Variants in SLC18A1 observed in about 807,000 individuals in gnomAD.
SLC18A1 encodes chromaffin granule amine transporter.
Under a neutral mutation model 53.7 loss-of-function variants are expected in SLC18A1, and 69 were observed. The ratio of observed to expected loss-of-function variants is 1.28; its 90% CI spans 1.06 to 1.57. The LOEUF is 1.57. Among genes scored for constraint, SLC18A1 ranks in the 40% most tolerant of loss-of-function variants. SLC18A1 has a pLI of 0.00. For missense variants in SLC18A1, 932 were observed against 668.1 expected, an observed-to-expected ratio of 1.40 and a Z score of -4.35; for synonymous variants, 320 against 248.1, an observed-to-expected ratio of 1.29 and a Z score of -2.72.
At chr8:20,172,943 G>C (rs1042844304) in intron 6 of SLC18A1, 93 bp downstream of exon 6, 2 of 871,272 alleles carry the variant, frequency 2.3e-6, no homozygotes, top group African/African-American at 3.3e-5. Flanking sequence ...AGGCCAACAA[G>C]GGAAGGAAAA....
chr8:20,153,397 G>C (rs191831084), intron 10 of SLC18A1, among the ~76,000 whole-genome samples: 3 of 152,242 alleles, frequency 2.0e-5, no homozygotes, highest in Non-Finnish European at 4.4e-5. Context: ...GTGAGGACAG[G>C]CTGGGCGCTG....
chr8:20,176,227 G>A, intron 4 of SLC18A1, among the ~76,000 whole-genome samples: 1 of 152,194 alleles, frequency 6.6e-6, no homozygotes, highest in Non-Finnish European at 1.5e-5. Flanking sequence ...GTTCTCTCAA[G>A]AGCTGCTGGT....
chr8:20,174,604 T>C (rs1248201328), intron 4 of SLC18A1, among the ~76,000 whole-genome samples, 160 bp from the exon 5 acceptor site: 1 of 152,126 alleles, frequency 6.6e-6, no homozygotes, highest in Non-Finnish European at 1.5e-5. Flanking sequence ...GTCTTTTCAA[T>C]CTCCCACTCC....
At chr8:20,161,815 T>TA (rs978019168) in intron 10 of SLC18A1, among the ~76,000 whole-genome samples, 52 of 152,170 alleles carry the variant, frequency 3.4e-4, no homozygotes, top group African/African-American at 1.2e-3. Flanking sequence ...TTTGGACCCC[T>TA]AAGGCATCAG....
At chr8:20,149,600 C>T (rs2071495046) in intron 12 of SLC18A1, 76 bp downstream of exon 12, 3 of 1,161,074 alleles carry the variant, frequency 2.6e-6, no homozygotes, top group Non-Finnish European at 3.8e-6. Context: ...CTCTCTCTCT[C>T]TCTCTCTCTC....
chr8:20,153,231 C>T (rs2071603201), intron 10 of SLC18A1, among the ~76,000 whole-genome samples: 1 of 151,860 alleles, frequency 6.6e-6, no homozygotes, highest in Non-Finnish European at 1.5e-5. Flanking sequence ...TTTTTTGCAG[C>T]CCCATGCCAT....
intron 8 of SLC18A1, among the ~76,000 whole-genome samples, chr8:20,168,057 C>T (rs980070671): frequency 6.6e-6 from 1 of 151,966 alleles, no homozygotes; most frequent in Non-Finnish European, 1.5e-5. Context: ...AAACATTACT[C>T]AAAAAACAAT....
chr8:20,153,535 G>T (rs1191837592), intron 10 of SLC18A1, among the ~76,000 whole-genome samples: 1 of 152,114 alleles, frequency 6.6e-6, no homozygotes, highest in East Asian at 1.9e-4. Flanking sequence ...AAAATTAGCT[G>T]GGCATGGTGG....
chr8:20,180,181 T>G (rs1324743593), intron 2 of SLC18A1, among the ~76,000 whole-genome samples: 1 of 151,682 alleles, frequency 6.6e-6, no homozygotes, highest in Non-Finnish European at 1.5e-5. Flanking sequence ...ACTAATTCAG[T>G]GTTTGCAGCG....
chr8:20,166,287 GTCTATA>G (rs1280727319), intron 8 of SLC18A1, among the ~76,000 whole-genome samples: 13 of 78,996 alleles, frequency 1.6e-4, no homozygotes, highest in African/African-American at 6.6e-4. Flanking sequence ...GTGTGTGTGT[GTCTATA>G]TATATATATA....
chr8:20,171,074 G>T (rs886683851), intron 8 of SLC18A1, 29 bp downstream of exon 8: 12 of 1,611,852 alleles, frequency 7.4e-6, no homozygotes, highest in Middle Eastern at 1.6e-4. Context: ...CTGTATAACT[G>T]TTAGAAATGG....
At chr8:20,172,973 G>A (rs1317785826) in intron 6 of SLC18A1, 63 bp downstream of exon 6, 22 of 1,209,450 alleles carry the variant, frequency 1.8e-5, no homozygotes, top group Admixed American at 6.0e-5. Context: ...TCTACACCTC[G>A]GGAACACCTG....
At chr8:20,168,071 G>A (rs1247255779) in intron 8 of SLC18A1, among the ~76,000 whole-genome samples, 1 of 152,084 alleles carries the variant, frequency 6.6e-6, no homozygotes, top group African/African-American at 2.4e-5. Context: ...AAACAATGAA[G>A]GTATGTTAAA....
At chr8:20,162,406 C>T (rs2071852954) in intron 10 of SLC18A1, among the ~76,000 whole-genome samples, 1 of 152,194 alleles carries the variant, frequency 6.6e-6, no homozygotes, top group South Asian at 2.1e-4. Flanking sequence ...CTTTCCAAGG[C>T]CAGGCAGCAA....
At chr8:20,159,634 C>CAAAAAAAAAAAAAAAAA (rs200123466) in intron 10 of SLC18A1, among the ~76,000 whole-genome samples, 119 of 81,524 alleles carry the variant, frequency 1.5e-3, no homozygotes, top group Non-Finnish European at 2.2e-3. Context: ...TTGCAGCTGC[C>CAAAAAAAAAAAAAAAAA]AAAAAAAAAA....
chr8:20,158,604 G>T (rs927664796), intron 10 of SLC18A1, among the ~76,000 whole-genome samples: 2 of 152,082 alleles, frequency 1.3e-5, no homozygotes, highest in Non-Finnish European at 2.9e-5. Flanking sequence ...CCAAAAGATT[G>T]TTAAGGACCT....
At chr8:20,166,923 C>A (rs1239975468) in intron 8 of SLC18A1, among the ~76,000 whole-genome samples, 1 of 152,146 alleles carries the variant, frequency 6.6e-6, no homozygotes, top group Non-Finnish European at 1.5e-5. Flanking sequence ...TGAGGACGCA[C>A]TGAGAAGGTG....
intron 10 of SLC18A1, among the ~76,000 whole-genome samples, chr8:20,157,532 G>A (rs1187520618): frequency 3.3e-5 from 5 of 152,136 alleles, no homozygotes; most frequent in Non-Finnish European, 7.4e-5. Flanking sequence ...ATTACTCAGT[G>A]ATATCCATTA....
At position 20,180,893 on chromosome 8, in the gene SLC18A1, C is replaced by T. The variant is rs750892985; in HGVS notation, c.72G>A (p.Leu24=). 5.0e-6 allele frequency: 8 copies of T among 1,613,834 alleles called. 1 individual carries two copies. The South Asian group carries it at 5.5e-5, about 11-fold the overall frequency. The change falls in exon 2 of 16, where the codon CTG becomes CTA. Residue 24 remains leucine, a synonymous_variant. Transcript: ENST00000276373. ...GGAGCAAAGCGACGAATACCACCAC[C>T]AGCACCAGCTGCCGGGACGCTCTCC... ...KEGRASRQLV[L]VVVFVALLLD... is the part of the protein sequence containing the mutation.
Sources: allele counts gnomAD v4.1 joint callset (sites outside exome capture counted in the v4.1 genomes callset), GRCh38; gene constraint gnomAD v4.1.1; transcripts MANE v1.5; gene names NCBI Gene and HGNC (gene_info 2026-07-23, HGNC 2026-07-21).